The following SNX25 variants were observed in gnomAD, a reference collection of about 807,000 sequenced individuals.
SNX25 encodes sorting nexin-25.
A neutral mutation model predicts 113.7 loss-of-function variants in SNX25; 62 were observed. The observed-to-expected ratio is 0.55, with a 90% CI of 0.44 to 0.67. The LOEUF is 0.67. Ranked by LOEUF, SNX25 falls within the 30% of genes least tolerant of loss-of-function variation. The pLI, the probability that SNX25 is intolerant of heterozygous loss-of-function variation, is 0.00. For missense variants in SNX25, 1,014 were observed against 1,161.0 expected, an observed-to-expected ratio of 0.87 and a Z score of 1.84; for synonymous variants, 421 against 436.2, an observed-to-expected ratio of 0.97 and a Z score of 0.43.
At chr4:185,279,163 ATAACT>A (rs1750196466) in intron 5 of SNX25, among the ~76,000 whole-genome samples, 1 of 151,462 alleles carries the variant, frequency 6.6e-6, no homozygotes, top group Non-Finnish European at 1.5e-5. Context: ...GTCTATTTTT[ATAACT>A]TTATATGGGG....
At chr4:185,313,686 C>T (rs1023145063) in intron 7 of SNX25, among the ~76,000 whole-genome samples, 5 of 152,120 alleles carry the variant, frequency 3.3e-5, no homozygotes, top group African/African-American at 9.7e-5. Context: ...GCACCACTTA[C>T]AGGAATTATG....
intron 6 of SNX25, among the ~76,000 whole-genome samples, chr4:185,302,929 C>T (rs1457831558): frequency 1.3e-5 from 2 of 152,172 alleles, no homozygotes; most frequent in Non-Finnish European, 2.9e-5. Context: ...TCTGTGGGCT[C>T]GGGCACTTCC....
chr4:185,211,473 T>G (rs1737788396), intron 1 of SNX25, among the ~76,000 whole-genome samples: 1 of 152,218 alleles, frequency 6.6e-6, no homozygotes, highest in Non-Finnish European at 1.5e-5. Context: ...TCTCCTCTTT[T>G]TTTCTACCAT....
intron 6 of SNX25, among the ~76,000 whole-genome samples, chr4:185,293,897 G>A (rs1259800939): frequency 6.6e-6 from 1 of 152,164 alleles, no homozygotes; most frequent in Non-Finnish European, 1.5e-5. Flanking sequence ...TGAAAAAATA[G>A]ATAAATGATG....
intron 6 of SNX25, among the ~76,000 whole-genome samples, chr4:185,302,386 G>C (rs1262596424): frequency 6.6e-6 from 1 of 152,142 alleles, no homozygotes; most frequent in African/African-American, 2.4e-5. Flanking sequence ...TTGTAGGGGG[G>C]CAGTCTTGGG....
At chr4:185,340,712 C>T (rs1270446883) in intron 11 of SNX25, among the ~76,000 whole-genome samples, 212 of 152,264 alleles carry the variant, frequency 1.4e-3, no homozygotes, top group African/African-American at 5.0e-3. Flanking sequence ...GTATTAAAAT[C>T]ATCTTCCAAA....
intron 18 of SNX25, 95 bp downstream of exon 18, chr4:185,362,806 C>T: frequency 1.3e-6 from 1 of 763,840 alleles, no homozygotes. Context: ...CTGCAGCACT[C>T]TCATTCTCAC....
Position 185,247,310 on chromosome 4 carries a change from A to G in SNX25, c.446A>G (p.Asn149Ser), listed in dbSNP as rs74883877. The G allele has an allele frequency of 9.3e-3, 14,935 of 1,603,276 alleles. 165 individuals are homozygous for G. The highest frequency in any genetic ancestry group is 0.035 in the South Asian group (3,119 of 89,190). Residue 149 changes from asparagine (N) to serine (S), a missense_variant, in exon 2 of 19, where the codon AAC (asparagine) becomes AGC (serine). Asn to Ser is a conservative substitution (Grantham distance 46). Transcript: ENST00000652585. ...TCATTTCAGAGTCCTGTGTATGGAA[A>G]CTCACATGAGTCAGCTCAGTCTAGA... ...RRPPGSPVYG[N>S]SHESAQSRRV...
At chr4:185,239,268 G>GA (rs1560920634) in intron 1 of SNX25, among the ~76,000 whole-genome samples, 2 of 151,330 alleles carry the variant, frequency 1.3e-5, no homozygotes, top group East Asian at 3.9e-4. Context: ...GATCACTTGA[G>GA]GTCAGGAGAT....
rs568319933 is a variant in SNX25, at chr4:185,233,885, T to C, written c.430-13409T>C. Among the ~76,000 whole-genome samples, 9 of 152,120 alleles carry C rather than the reference T, an allele frequency of 5.9e-5. No homozygotes were observed. The South Asian group carries it at 1.9e-3, about 32-fold the overall frequency. On this transcript the variant is annotated intron_variant, in intron 1 of 18. Coordinates refer to ENST00000652585, the MANE Select transcript of SNX25 (RefSeq NM_001378034.2). ...TTATTATTATTATTTTTAGATGGAG[T>C]GTGGCTCTGTTGCCCAGGCTGGAGT...
chr4:185,266,932 T>C (rs1335981350), intron 4 of SNX25, 37 bp from the exon 5 acceptor site: 2 of 1,585,632 alleles, frequency 1.3e-6, no homozygotes, highest in African/African-American at 1.4e-5. Flanking sequence ...TAAAGAAGAA[T>C]ACCTTTCTCA....
chr4:185,244,097 A>T (rs1744485727), intron 1 of SNX25, among the ~76,000 whole-genome samples: 1 of 152,158 alleles, frequency 6.6e-6, no homozygotes, highest in Non-Finnish European at 1.5e-5. Context: ...TCCTGGGCTC[A>T]GTCAGACCTC....
chr4:185,267,741 A>AT (rs1344194268), intron 5 of SNX25, among the ~76,000 whole-genome samples: 10 of 152,110 alleles, frequency 6.6e-5, no homozygotes, highest in Non-Finnish European at 1.5e-4. Flanking sequence ...AAAAAAAAAA[A>AT]AAAATTGACT....
At chr4:185,310,591 T>A in intron 6 of SNX25, 44 bp from the exon 7 acceptor site, 1 of 1,566,396 alleles carries the variant, frequency 6.4e-7, no homozygotes, top group African/African-American at 1.3e-5. Context: ...TGTCCTTTCA[T>A]GCCTTGTCCT....
At chr4:185,261,154 G>GTGTGTGTGTA (rs1431374486) in intron 3 of SNX25, among the ~76,000 whole-genome samples, 1 of 141,772 alleles carries the variant, frequency 7.1e-6, no homozygotes, top group African/African-American at 2.6e-5. Context: ...GTGTGTGTGT[G>GTGTGTGTGTA]TGTATGTATG....
rs1489463636 is a variant in SNX25, at chr4:185,334,833, T to A, written c.1914+2074T>A. Among the ~76,000 whole-genome samples, 1 of 152,204 alleles carries A rather than the reference T, an allele frequency of 6.6e-6. No homozygotes were observed. ...TGGTACTGTGGCTTAACTTGAACTC[T>A]ACTCTCTGATCTACATTTGCTGTGT... On this transcript the variant is annotated intron_variant, in intron 10 of 18. Coordinates refer to ENST00000652585, the MANE Select transcript of SNX25 (RefSeq NM_001378034.2). This position sits in a 1 kb window ranked among gnomAD's most constrained non-coding sequence, Gnocchi z 4.2.
At chr4:185,371,300 G>A (rs1015192938), downstream of SNX25, among the ~76,000 whole-genome samples, 7 of 152,098 alleles carry the variant, frequency 4.6e-5, no homozygotes, top group Non-Finnish European at 1.0e-4. Flanking sequence ...AGCACTTTGG[G>A]AGGCCAAGGC....
rs149275870 is a variant in SNX25, at chr4:185,328,392, C to G, written c.1750-4203C>G. Among the ~76,000 whole-genome samples the G allele has an allele frequency of 2.5e-3, 376 of 152,178 alleles. 2 individuals carry two copies. Among genetic ancestry groups the G allele is most frequent in the African/African-American group, 8.2e-3 (339 of 41,526 alleles). On this transcript the variant is annotated intron_variant, in intron 9 of 18. Coordinates refer to ENST00000652585, the MANE Select transcript of SNX25 (RefSeq NM_001378034.2). ...ACTTTTTCTGTTTTCCCAAGGAGCC[C>G]CAGGCCACCAGGTGTCATTTTAGGG...
intron 7 of SNX25, among the ~76,000 whole-genome samples, chr4:185,316,152 A>G (rs1344530263): frequency 1.3e-5 from 2 of 152,218 alleles, no homozygotes; most frequent in Non-Finnish European, 2.9e-5. Flanking sequence ...TATTTATGTA[A>G]CTAGAAAGTG....
Sources: allele counts gnomAD v4.1 joint callset (sites outside exome capture counted in the v4.1 genomes callset), GRCh38; gene constraint gnomAD v4.1.1; non-coding constraint Gnocchi (gnomAD v3.1); transcripts MANE v1.5; gene names NCBI Gene and HGNC (gene_info 2026-07-23, HGNC 2026-07-21).